The following TSC22D4 variants were observed in gnomAD, a reference collection of about 807,000 sequenced individuals.
The protein encoded by TSC22D4 is TSC22 domain family protein 4.
A neutral mutation model predicts 24.9 loss-of-function variants in TSC22D4; 5 were observed. That is an observed-to-expected ratio of 0.20 (90% CI 0.10 to 0.42). The LOEUF (loss-of-function observed/expected upper bound fraction) is 0.42. Ranked by LOEUF, TSC22D4 falls within the 10% of genes least tolerant of loss-of-function variation. The probability of loss-of-function intolerance (pLI) is 1.00; values close to 1 mark genes in which losing one functional copy is unlikely to be tolerated. For missense variants in TSC22D4, 469 were observed against 547.9 expected (o/e 0.86, Z 1.44); for synonymous variants, 245 against 243.2 (o/e 1.01, Z -0.07).
At position 100,474,405 on chromosome 7, in the gene TSC22D4, G is replaced by A. The variant is rs1402819020; in HGVS notation, c.798C>T (p.Ala266=). The part of the protein sequence containing the change: ...PPLDSRPSSP[A]LYFTHDASLV... ...GGCTGGCATCGTGGGTGAAGTAGAG[G>A]GCTGGGGAGCTGGGGCGAGAGTCAA... The change falls in exon 3 of 5, where the codon GCC becomes GCT. Residue 266 remains alanine (A), a synonymous_variant. Coordinates refer to ENST00000300181, the MANE Select transcript of TSC22D4 (RefSeq NM_030935.5). This position sits in a 1 kb window ranked among gnomAD's most constrained non-coding sequence, Gnocchi z 4.3. 2.5e-6 allele frequency: 4 copies of A among 1,614,026 alleles called. No homozygotes were observed. In the Admixed American group the frequency reaches 5.0e-5, roughly 20 times the overall value.
intron 4 of TSC22D4, 88 bp downstream of exon 4, chr7:100,467,464 G>A: frequency 7.0e-7 from 1 of 1,429,012 alleles, no homozygotes; most frequent in Non-Finnish European, 9.8e-7. Flanking sequence ...GGGAGTTGGT[G>A]TTCCCTGGTA....
rs1799283923 is a variant in TSC22D4, at chr7:100,466,731, T to C, written c.*228A>G. The C allele has an allele frequency of 5.3e-6, 3 of 561,348 alleles. No individual in the cohort carries two copies. The highest frequency in any genetic ancestry group is 9.3e-6 in the Non-Finnish European group (3 of 321,218). The allele number at this position is 561,348 out of a possible 1,614,324, so 34.8% of individuals were successfully genotyped here. A position where few individuals can be genotyped will look rare whatever the true frequency, so the allele number is the denominator to read the frequency against. On this transcript the variant is annotated 3_prime_UTR_variant, in exon 5 of 5. Coordinates refer to ENST00000300181, the MANE Select transcript of TSC22D4 (RefSeq NM_030935.5). ...TCCCAGGAGGGAGGGTGGGGGTTGG[T>C]TCCCTCCCAGAGGGGGCTCCCTCTG... is the stretch of plus-strand genomic sequence containing the variant.
Position 100,466,783 on chromosome 7 carries a change from T to A in TSC22D4, c.*176A>T. The A allele has an allele frequency of 1.4e-6, 1 of 699,554 alleles. No individual in the cohort carries two copies. Among genetic ancestry groups the A allele is most frequent in the Non-Finnish European group, 2.3e-6 (1 of 426,544 alleles). 43.3% of individuals were successfully genotyped at this position (699,554 alleles called of 1,614,324 possible). A position where few individuals can be genotyped will look rare whatever the true frequency, so the allele number is the denominator to read the frequency against. Reference sequence around the variant, plus strand: ...CGCCCCGTCCTGAAGCCCTCCCTCCTCCATCAAGGCTGGGGATGATGAGGA... The same window carrying A: ...CGCCCCGTCCTGAAGCCCTCCCTCCACCATCAAGGCTGGGGATGATGAGGA... On this transcript the variant is annotated 3_prime_UTR_variant, in exon 5 of 5. Transcript: ENST00000300181.
In TSC22D4 at chr7:100,468,348, A is replaced by C. The variant is rs536904628; in HGVS notation, c.930-748T>G. 2.6e-5 allele frequency among the ~76,000 whole-genome samples: 4 copies of C among 152,238 alleles called. No individual in the cohort carries two copies. In the South Asian group the frequency reaches 8.3e-4, roughly 32 times the overall value. On this transcript the variant is annotated intron_variant, in intron 3 of 4. Coordinates refer to ENST00000300181, the MANE Select transcript of TSC22D4 (RefSeq NM_030935.5). Reference sequence around the variant, plus strand: ...TCTGAGCGGGGAGTGAAGGGTGTGAAGGGAGAGGAAGGGGCTGGCCTTCGG... The same window carrying C: ...TCTGAGCGGGGAGTGAAGGGTGTGACGGGAGAGGAAGGGGCTGGCCTTCGG...
rs1348624413 is a variant in TSC22D4 at position 100,466,663 on chromosome 7, C to G, written c.*296G>C. The G allele has an allele frequency of 2.3e-6, 1 of 432,192 alleles. No individual in the cohort carries two copies. The highest frequency in any genetic ancestry group is 4.1e-6 in the Non-Finnish European group (1 of 241,852). The allele number at this position is 432,192 out of a possible 1,614,324, so 26.8% of individuals were successfully genotyped here. On this transcript the variant is annotated 3_prime_UTR_variant, in exon 5 of 5. Transcript: ENST00000300181. ...GAACAAGATGGGGGTGGGGTGTCTG[C>G]CGGGGAGCCTCCGACTCCCCCAAGC...
chr7:100,470,897 C>G (rs1165896825), intron 3 of TSC22D4, among the ~76,000 whole-genome samples: 3 of 152,168 alleles, frequency 2.0e-5, no homozygotes, highest in African/African-American at 7.2e-5. Context: ...GCGGCACCCC[C>G]TGGAGTTAGT....
chr7:100,471,626 G>A (rs2131045139), intron 3 of TSC22D4, among the ~76,000 whole-genome samples: 1 of 152,278 alleles, frequency 6.6e-6, no homozygotes, highest in African/African-American at 2.4e-5. Context: ...TGTAGTCCCA[G>A]CTACTGGGGA....
At chr7:100,475,039 G>A (rs1206411149) in intron 2 of TSC22D4, among the ~76,000 whole-genome samples, 3 of 152,102 alleles carry the variant, frequency 2.0e-5, no homozygotes, top group Non-Finnish European at 4.4e-5. Flanking sequence ...GGGCTCAAGT[G>A]ATCCTCCTGC....
At position 100,478,017 on chromosome 7, in the gene TSC22D4, T is replaced by C. The variant is rs763750589; in HGVS notation, c.22A>G (p.Ser8Gly). Reference protein sequence around the residue: MSGGKKKSSFQITSVTTD... With the variant: MSGGKKKGSFQITSVTTD... ...GTGACGCTGGTGATTTGGAAACTAC[T>C]CTTCTTCTTGCCCCCGCTCATGGTC... The change falls in exon 2 of 5, where the codon AGT becomes GGT. Residue 8 changes from serine to glycine, a missense_variant. Coordinates refer to ENST00000300181, the MANE Select transcript of TSC22D4 (RefSeq NM_030935.5). 2 of 1,591,842 alleles carry C rather than the reference T, an allele frequency of 1.3e-6. No homozygotes were observed. The highest frequency in any genetic ancestry group is 1.7e-6 in the Non-Finnish European group (2 of 1,171,752).
intron 1 of TSC22D4, 43 bp from the exon 2 acceptor site, chr7:100,478,350 A>AGAGAGAGAGAGAGAGTGTGT (rs1228276528): frequency 1.2e-5 from 1 of 82,804 alleles, no homozygotes; most frequent in African/African-American, 7.5e-5. Context: ...AGAGAGAGAG[A>AGAGAGAGAGAGAGAGTGTGT]GTGTGTGTGT....
At position 100,477,319 on chromosome 7, in the gene TSC22D4, C is replaced by A; in HGVS notation, c.720G>T (p.Met240Ile). ...GAGCACCCAACTCCATCCGCAGCCG[C>A]ATGTCTACAGCTTTCCTCCGGGACA... is the stretch of plus-strand genomic sequence containing the variant. ...PPLSRRKAVD[M>I]RLRMELGAPE... The change falls in exon 2 of 5, where the codon ATG becomes ATT. Residue 240 changes from methionine to isoleucine, a missense_variant. Coordinates refer to ENST00000300181, the MANE Select transcript of TSC22D4 (RefSeq NM_030935.5). The surrounding 1 kb of genome is among the most constrained non-coding windows in gnomAD (Gnocchi z 7.8). 6.5e-7 allele frequency: 1 copy of A among 1,526,834 alleles called. No individual in the cohort carries two copies. Among genetic ancestry groups the A allele is most frequent in the Non-Finnish European group, 8.8e-7 (1 of 1,138,464 alleles). The allele number at this position is 1,526,834 out of a possible 1,614,324, so 94.6% of individuals were successfully genotyped here.
Position 100,467,555 on chromosome 7 carries a change from G to A in TSC22D4, c.975C>T (p.Ala325=). Residue 325 remains alanine (A), a synonymous_variant, in exon 4 of 5, where the codon GCC becomes GCT. Transcript: ENST00000300181. ...LVGIDNKIEQ[A]MDLVKSHLMF... Reference sequence around the variant, plus strand: ...GGACCAAGATGGCTTCTCTTACCATGGCTTGCTCGATTTTGTTGTCAATGC... The same window carrying A: ...GGACCAAGATGGCTTCTCTTACCATAGCTTGCTCGATTTTGTTGTCAATGC... 6.2e-7 allele frequency: 1 copy of A among 1,614,078 alleles called. No homozygotes were observed. The highest frequency in any genetic ancestry group is 1.7e-5 in the Admixed American group (1 of 60,030).
At chr7:100,476,452 A>G (rs1799498031) in intron 2 of TSC22D4, among the ~76,000 whole-genome samples, 1 of 152,178 alleles carries the variant, frequency 6.6e-6, no homozygotes, top group African/African-American at 2.4e-5. Context: ...ATTCTCCCAC[A>G]GGACAGAAGT....
At chr7:100,467,941 A>T (rs1262832095) in intron 3 of TSC22D4, 3 of 533,280 alleles carry the variant, frequency 5.6e-6, no homozygotes, top group Non-Finnish European at 1.1e-5. Context: ...TGGCTGGGCC[A>T]TGCCCAAGGG....
intron 3 of TSC22D4, chr7:100,468,056 A>C (rs1799322220): frequency 2.4e-6 from 1 of 420,866 alleles, no homozygotes; most frequent in South Asian, 1.7e-5. Flanking sequence ...GGTGCCAGGC[A>C]GGCAGAGAGG....
rs540985934 is a variant in TSC22D4 at position 100,469,196 on chromosome 7, C to T, written c.930-1596G>A. Among the ~76,000 whole-genome samples the T allele has an allele frequency of 3.7e-4, 56 of 150,190 alleles. 1 individual carries two copies. The highest frequency in any genetic ancestry group is 5.5e-4 in the Non-Finnish European group (37 of 67,750). ...GAGCCGAGATCGTGCCACTGAATTCCAGCCTGGACAACAAGAGCAAAACTC... is the reference window on the plus strand; with the variant it reads ...GAGCCGAGATCGTGCCACTGAATTCTAGCCTGGACAACAAGAGCAAAACTC... On this transcript the variant is annotated intron_variant, in intron 3 of 4. Coordinates refer to ENST00000300181, the MANE Select transcript of TSC22D4 (RefSeq NM_030935.5).
chr7:100,467,207 G>C (rs747245273), intron 4 of TSC22D4, 39 bp from the exon 5 acceptor site: 2 of 1,602,910 alleles, frequency 1.2e-6, no homozygotes, highest in South Asian at 1.1e-5. Flanking sequence ...AACGGGGTGG[G>C]TGCCTCATCC....
Position 100,466,819 on chromosome 7 carries a change from G to A in TSC22D4, c.*140C>T. On this transcript the variant is annotated 3_prime_UTR_variant, in exon 5 of 5. Transcript: ENST00000300181. ...TGGGGATGATGAGGAGATGGGGCAG[G>A]GGCCGGGGGACCAGGCCATTACTGA... 1 of 823,994 alleles carries A rather than the reference G, an allele frequency of 1.2e-6. No individual in the cohort carries two copies. The highest frequency in any genetic ancestry group is 1.9e-6 in the Non-Finnish European group (1 of 532,138). 51.0% of individuals were successfully genotyped at this position (823,994 alleles called of 1,614,324 possible). A position where few individuals can be genotyped will look rare whatever the true frequency, so the allele number is the denominator to read the frequency against.
At position 100,477,318 on chromosome 7, in the gene TSC22D4, G is replaced by C. The variant is rs777186803; in HGVS notation, c.721C>G (p.Arg241Gly). 3 of 1,524,886 alleles carry C rather than the reference G, an allele frequency of 2.0e-6. No homozygotes were observed. Among genetic ancestry groups the C allele is most frequent in the Admixed American group, 2.2e-5 (1 of 44,896 alleles). 94.5% of individuals were successfully genotyped at this position (1,524,886 alleles called of 1,614,324 possible). ...GGAGCACCCAACTCCATCCGCAGCC[G>C]CATGTCTACAGCTTTCCTCCGGGAC... ...PLSRRKAVDM[R>G]LRMELGAPEE... Residue 241 changes from arginine (R) to glycine (G), a missense_variant, in exon 2 of 5, where the codon CGG becomes GGG. Physicochemically the swap from Arg to Gly is moderately radical, Grantham distance 125. Transcript: ENST00000300181. This position sits in a 1 kb window ranked among gnomAD's most constrained non-coding sequence, Gnocchi z 7.8.
Sources: allele counts gnomAD v4.1 joint callset (sites outside exome capture counted in the v4.1 genomes callset), GRCh38; gene constraint gnomAD v4.1.1; non-coding constraint Gnocchi (gnomAD v3.1); transcripts MANE v1.5; gene names NCBI Gene and HGNC (gene_info 2026-07-23, HGNC 2026-07-21).